The following HAO2 variants were observed in gnomAD, a reference collection of about 807,000 sequenced individuals.
HAO2 encodes the protein hydroxyacid oxidase 2.
A neutral mutation model predicts 37.4 loss-of-function variants in HAO2; 42 were observed. The observed-to-expected ratio is 1.12, with a 90% CI of 0.88 to 1.45. HAO2 has a LOEUF of 1.45. Ranked by LOEUF, HAO2 falls within the 40% of genes most tolerant of loss-of-function variation. HAO2 has a pLI of 0.00. For synonymous variants in HAO2, 180 were observed against 162.8 expected (o/e 1.11, Z -0.81); for missense variants, 476 against 430.2 (o/e 1.11, Z -0.94).
chr1:119,392,304 G>A, intron 6 of HAO2, 36 bp downstream of exon 6: 1 of 1,513,656 alleles, frequency 6.6e-7, no homozygotes, highest in Non-Finnish European at 9.1e-7. Flanking sequence ...AGAAGATACA[G>A]AGCTTCTCAT....
At chr1:119,379,340 G>A (rs1454429685) in intron 1 of HAO2, among the ~76,000 whole-genome samples, 1 of 152,082 alleles carries the variant, frequency 6.6e-6, no homozygotes. Context: ...ACACAGGGAG[G>A]CACTCTTATC....
At chr1:119,380,462 A>G (rs775934632) in intron 1 of HAO2, 2 of 460,572 alleles carry the variant, frequency 4.3e-6, no homozygotes, top group Non-Finnish European at 7.7e-6. Context: ...AGAATTACAA[A>G]GTAAACTTTG....
intron 2 of HAO2, among the ~76,000 whole-genome samples, chr1:119,381,479 A>G (rs1199096514): frequency 6.6e-6 from 1 of 152,210 alleles, no homozygotes; most frequent in East Asian, 1.9e-4. Context: ...CTGACAAGAT[A>G]GAACAAGAGT....
At position 119,384,876 on chromosome 1, in the gene HAO2, A is replaced by G; in HGVS notation, c.384A>G (p.Gln128=). ...CTCCCGAAGGCCTCCGATGGTTCCAACTCTATGTGCATCCAGACCTGCAGC... is the reference window on the plus strand; with the variant it reads ...CTCCCGAAGGCCTCCGATGGTTCCAGCTCTATGTGCATCCAGACCTGCAGC... The part of the protein sequence containing the change: ...IAAPEGLRWF[Q]LYVHPDLQLN... The change falls in exon 4 of 8, where the codon CAA becomes CAG. Residue 128 remains glutamine, a synonymous_variant. Transcript: ENST00000325945. 1 of 1,613,746 alleles carries G rather than the reference A, an allele frequency of 6.2e-7. No homozygotes were observed. Among genetic ancestry groups the G allele is most frequent in the Non-Finnish European group, 8.5e-7 (1 of 1,179,754 alleles).
rs763058168 is a variant in HAO2 at position 119,393,798 on chromosome 1, C to T, written c.1014C>T (p.Val338=). 32 of 1,612,904 alleles carry T rather than the reference C, an allele frequency of 2.0e-5. No homozygotes were observed. Among genetic ancestry groups the T allele is most frequent in the Non-Finnish European group, 2.3e-5 (27 of 1,179,344 alleles). The change falls in exon 8 of 8, where the codon GTC becomes GTT. Residue 338 remains valine (V), a synonymous_variant. Transcript: ENST00000325945. The part of the protein sequence containing the change: ...TSMALTGCRS[V]AEINRNLVQF... ...TTGTTCTTTTAGGCTGCCGGTCGGT[C>T]GCTGAGATCAATCGAAACTTGGTCC...
At chr1:119,385,610 C>A in intron 4 of HAO2, 1 of 985,118 alleles carries the variant, frequency 1.0e-6, no homozygotes. Flanking sequence ...TGTTTGTAAT[C>A]TCTGAACTAG....
At chr1:119,375,181 C>T (rs1475897081) in intron 1 of HAO2, among the ~76,000 whole-genome samples, 1 of 152,100 alleles carries the variant, frequency 6.6e-6, no homozygotes, top group East Asian at 1.9e-4. Flanking sequence ...AATGGGAATA[C>T]AAGAAGACAA....
At chr1:119,389,655 ATTTG>A (rs1650715990) in intron 5 of HAO2, among the ~76,000 whole-genome samples, 1 of 141,460 alleles carries the variant, frequency 7.1e-6, no homozygotes, top group South Asian at 2.2e-4. Flanking sequence ...TTTCTTGTTA[ATTTG>A]TTTGAGTTCC....
Position 119,393,931 on chromosome 1 carries a change from C to T in HAO2, c.*91C>T. The T allele has an allele frequency of 3.8e-6, 6 of 1,597,544 alleles. No individual in the cohort carries two copies. Among genetic ancestry groups the T allele is most frequent in the Non-Finnish European group, 5.1e-6 (6 of 1,168,070 alleles). On this transcript the variant is annotated 3_prime_UTR_variant, in exon 8 of 8. Transcript: ENST00000325945. ...TGTGTGATGCTGTCCTTCCTGGACC[C>T]CATTCTGTCCGGAGGCTCATGGCCC...
intron 7 of HAO2, 29 bp downstream of exon 7, chr1:119,392,716 A>G: frequency 7.4e-7 from 1 of 1,346,250 alleles, no homozygotes; most frequent in African/African-American, 1.4e-5. Context: ...CCTGATTTGG[A>G]ACTTAAAGCA....
rs1164397880 is a variant in HAO2 at position 119,386,797 on chromosome 1, A to G, written c.737A>G (p.His246Arg). 1 of 1,613,398 alleles carries G rather than the reference A, an allele frequency of 6.2e-7. No individual in the cohort carries two copies. The highest frequency in any genetic ancestry group is 2.2e-5 in the East Asian group (1 of 44,870). ...GTCCAGGGTATCATTGTTTCCAACC[A>G]TGGTGGGAGGCAGCTTGATGAGGTT... is the stretch of plus-strand genomic sequence containing the variant. ...HNVQGIIVSN[H>R]GGRQLDEVLA... is the part of the protein sequence containing the mutation. The change falls in exon 5 of 8, where the codon CAT becomes CGT. Residue 246 changes from histidine (H) to arginine (R), a missense_variant. Physicochemically the swap from His to Arg is conservative, Grantham distance 29. Transcript: ENST00000325945.
intron 3 of HAO2, 30 bp from the exon 4 acceptor site, chr1:119,384,746 C>T (rs1650241073): frequency 1.9e-6 from 3 of 1,606,518 alleles, no homozygotes; most frequent in Non-Finnish European, 2.6e-6. Context: ...CCTCTGCCCT[C>T]CAGCCTGAGT....
At chr1:119,384,705 G>A in intron 3 of HAO2, 71 bp from the exon 4 acceptor site, 1 of 1,276,522 alleles carries the variant, frequency 7.8e-7, no homozygotes, top group Non-Finnish European at 1.1e-6. Flanking sequence ...AGGCTACACA[G>A]ACTCCCAAGG....
chr1:119,389,457 A>G (rs1650696616), intron 5 of HAO2, among the ~76,000 whole-genome samples: 1 of 151,274 alleles, frequency 6.6e-6, no homozygotes, highest in African/African-American at 2.4e-5. Flanking sequence ...ATGAACATCT[A>G]TTATTTTTTG....
chr1:119,393,836 T>A lies in HAO2; in HGVS notation c.1052T>A (p.Leu351Gln). The change falls in exon 8 of 8, where the codon CTG becomes CAG. Residue 351 changes from leucine to glutamine, a missense_variant. Transcript: ENST00000325945. ...INRNLVQFSR[L>Q] Reference sequence around the variant, plus strand: ...CGAAACTTGGTCCAGTTTTCCAGGCTGTAAGAAAAAAGGGCCAATAACCAG... The same window carrying A: ...CGAAACTTGGTCCAGTTTTCCAGGCAGTAAGAAAAAAGGGCCAATAACCAG... 1 of 1,613,088 alleles carries A rather than the reference T, an allele frequency of 6.2e-7. No homozygotes were observed. Among genetic ancestry groups the A allele is most frequent in the South Asian group, 1.1e-5 (1 of 91,054 alleles).
At chr1:119,380,749 TG>T in intron 1 of HAO2, 1 of 1,495,040 alleles carries the variant, frequency 6.7e-7, no homozygotes, top group Non-Finnish European at 9.3e-7. Context: ...AAGAATTTTT[TG>T]TAATAAGCTT....
At chr1:119,388,136 C>T (rs753569125) in intron 5 of HAO2, among the ~76,000 whole-genome samples, 1 of 152,294 alleles carries the variant, frequency 6.6e-6, no homozygotes, top group African/African-American at 2.4e-5. Flanking sequence ...ACACTGAGCT[C>T]TCTCACCCAA....
chr1:119,369,323 G>A (rs929087291), intron 1 of HAO2, among the ~76,000 whole-genome samples: 13 of 152,260 alleles, frequency 8.5e-5, no homozygotes, highest in African/African-American at 2.9e-4. Flanking sequence ...TCCTAAAAAA[G>A]TAAAGAAGTT....
intron 1 of HAO2, among the ~76,000 whole-genome samples, chr1:119,378,637 C>A (rs587775412): frequency 6.6e-6 from 1 of 152,318 alleles, no homozygotes; most frequent in Non-Finnish European, 1.5e-5. Flanking sequence ...TATGTCCAAG[C>A]AGCTTTCAAA....
Sources: allele counts gnomAD v4.1 joint callset (sites outside exome capture counted in the v4.1 genomes callset), GRCh38; gene constraint gnomAD v4.1.1; transcripts MANE v1.5; gene names NCBI Gene and HGNC (gene_info 2026-07-23, HGNC 2026-07-21).